Variants in CECR2 observed in about 807,000 individuals in gnomAD.
CECR2 encodes chromatin remodeling regulator CECR2.
Under a neutral mutation model 154.5 loss-of-function variants are expected in CECR2, and 30 were observed. The ratio of observed to expected loss-of-function variants is 0.19; its 90% confidence interval spans 0.15 to 0.26. The LOEUF is 0.26. CECR2 is among the 10% of genes least tolerant of loss of function. The probability of loss-of-function intolerance (pLI) is 1.00; values close to 1 mark genes in which losing one functional copy is unlikely to be tolerated. For synonymous variants in CECR2, 725 were observed against 683.7 expected (o/e 1.06, Z -0.94); for missense variants, 1,743 against 1,829.3 (o/e 0.95, Z 0.86).
intron 16 of CECR2, among the ~76,000 whole-genome samples, chr22:17,547,672 GA>G (rs2056634944): frequency 6.6e-6 from 1 of 152,184 alleles, no homozygotes; most frequent in African/African-American, 2.4e-5. Flanking sequence ...CCCTCCTGTG[GA>G]GCTTTTATTC....
rs1447564743 is a variant in CECR2, at chr22:17,454,344, C to T, written c.127-23244C>T. ...GCGTGGTGGCTCATACCTGTAATCT[C>T]AGCAGGTATGAGGGATTTGGGAGGC... On this transcript the variant is annotated intron_variant, in intron 1 of 18. Coordinates refer to ENST00000262608, the MANE Select transcript of CECR2 (RefSeq NM_001290047.2). Among the ~76,000 whole-genome samples, 3 of 151,554 alleles carry T rather than the reference C, an allele frequency of 2.0e-5. No homozygotes were observed. In the South Asian group the frequency reaches 6.3e-4, roughly 32 times the overall value.
intron 1 of CECR2, among the ~76,000 whole-genome samples, chr22:17,409,130 T>TTTG (rs1555904389): frequency 1.1e-4 from 16 of 152,082 alleles, no homozygotes; most frequent in Admixed American, 3.3e-4. Flanking sequence ...TCTTGTTTTT[T>TTTG]TTTGTTTGTT....
rs139725684 is a variant in CECR2, at chr22:17,507,216, C to A, written c.870+2200C>A. On this transcript the variant is annotated intron_variant, in intron 7 of 18. Transcript: ENST00000262608. The stretch of plus-strand genomic sequence containing the variant: ...AGCAGGTTGATGCTTTAGGGAAAGT[C>A]CTAGAAATTACCTTTCTCTAATAAC... 1.3e-3 allele frequency among the ~76,000 whole-genome samples: 203 copies of A among 152,246 alleles called. 2 individuals are homozygous for A. Among genetic ancestry groups the A allele is most frequent in the African/African-American group, 4.4e-3 (182 of 41,536 alleles).
chr22:17,474,464 C>G (rs1037544977), intron 1 of CECR2, among the ~76,000 whole-genome samples: 2 of 152,138 alleles, frequency 1.3e-5, no homozygotes, highest in African/African-American at 2.4e-5. Flanking sequence ...TAAGCCTATT[C>G]GATTCTCCTT....
chr22:17,545,842 CA>C (rs112121132), intron 16 of CECR2, among the ~76,000 whole-genome samples: 9,455 of 89,514 alleles, frequency 0.11, 408 homozygotes, highest in African/African-American at 0.2. Context: ...GACTCCGTCT[CA>C]AAAAAAAAAA....
In CECR2 at chr22:17,549,042, T is replaced by C; in HGVS notation, c.3755T>C (p.Leu1252Pro). Residue 1252 changes from leucine to proline, a missense_variant, in exon 17 of 19, where the codon CTG (leucine) becomes CCG (proline). By Grantham distance (98) the Leu-to-Pro change is moderately conservative. Around this residue, in one of 4 missense-constraint regions of CECR2, gnomAD observed 1,250 missense variants for 1,192.1 expected, o/e 1.05. Transcript: ENST00000262608. ...GCCAGTCTGCAAGGCTGTGAGACAC[T>C]GAATGCTGCCTTAACTTCTCCAACC... ...AMASLQGCETLNAALTSPTRM... is the reference protein window; with the variant it reads ...AMASLQGCETPNAALTSPTRM... The C allele has an allele frequency of 6.2e-7, 1 of 1,613,968 alleles. No homozygotes were observed. The highest frequency in any genetic ancestry group is 8.5e-7 in the Non-Finnish European group (1 of 1,179,882).
At position 17,552,860 on chromosome 22, in the gene CECR2, C is replaced by T; in HGVS notation, c.*20C>T. ...AGCTAGTCCAAGGAGGAAATGAGCC[C>T]CAAGCAATGGAAAGCTGCACACGAA... On this transcript the variant is annotated 3_prime_UTR_variant, in exon 19 of 19. Transcript: ENST00000262608. The T allele has an allele frequency of 6.5e-7, 1 of 1,539,958 alleles. No homozygotes were observed. Among genetic ancestry groups the T allele is most frequent in the East Asian group, 2.5e-5 (1 of 40,682 alleles).
At position 17,548,811 on chromosome 22, in the gene CECR2, G is replaced by C. The variant is rs777144786; in HGVS notation, c.3524G>C (p.Arg1175Pro). 2 of 1,613,636 alleles carry C rather than the reference G, an allele frequency of 1.2e-6. No homozygotes were observed. Among genetic ancestry groups the C allele is most frequent in the Non-Finnish European group, 1.7e-6 (2 of 1,179,830 alleles). ...CACCCACATTCTGGAGGCTTTCCCCGGTATCGCCCCCCACAAGGAATGAGG... is the reference window on the plus strand; with the variant it reads ...CACCCACATTCTGGAGGCTTTCCCCCGTATCGCCCCCCACAAGGAATGAGG... ...SNHPHSGGFP[R>P]YRPPQGMRYS... Residue 1175 changes from arginine (R) to proline (P), a missense_variant, in exon 17 of 19, where the codon CGG becomes CCG. Transcript: ENST00000262608.
chr22:17,464,742 C>T (rs2054998977), intron 1 of CECR2, among the ~76,000 whole-genome samples: 1 of 152,148 alleles, frequency 6.6e-6, no homozygotes, highest in Non-Finnish European at 1.5e-5. Flanking sequence ...CTCAAGCAGT[C>T]CTCCCACTTC....
Position 17,555,013 on chromosome 22 carries a change from C to CT in CECR2, c.*2175dup, listed in dbSNP as rs1183533408. The stretch of plus-strand genomic sequence containing the variant: ...TTGAATCAGAGGCCTCTCACTTCTC[C>CT]TTAACAGGAGCACTGACACTGTGGG... On this transcript the variant is annotated 3_prime_UTR_variant, in exon 19 of 19. Transcript: ENST00000262608. The CT allele has an allele frequency of 6.6e-6, 1 of 152,272 alleles. No homozygotes were observed. The highest frequency in any genetic ancestry group is 6.5e-5 in the Admixed American group (1 of 15,274). The allele number at this position is 152,272 out of a possible 1,614,324, so 9.4% of individuals were successfully genotyped here.
chr22:17,551,842 G>A (rs2056712572), intron 17 of CECR2, among the ~76,000 whole-genome samples, 189 bp from the exon 18 acceptor site: 1 of 152,136 alleles, frequency 6.6e-6, no homozygotes, highest in Admixed American at 6.6e-5. Flanking sequence ...CAGGAGTGCA[G>A]TAGGTGGTGC....
chr22:17,521,356 C>T (rs1459823278), intron 8 of CECR2, among the ~76,000 whole-genome samples: 1 of 152,096 alleles, frequency 6.6e-6, no homozygotes, highest in African/African-American at 2.4e-5. Flanking sequence ...CTGGCTAACA[C>T]AGTGATACCC....
intron 9 of CECR2, among the ~76,000 whole-genome samples, chr22:17,530,528 T>A (rs2056338048): frequency 6.6e-6 from 1 of 151,452 alleles, no homozygotes; most frequent in African/African-American, 2.4e-5. Flanking sequence ...AAAAAAAAAA[T>A]TAGCCGGGCA....
At chr22:17,471,882 C>G (rs1258202580) in intron 1 of CECR2, among the ~76,000 whole-genome samples, 1 of 152,122 alleles carries the variant, frequency 6.6e-6, no homozygotes, top group Non-Finnish European at 1.5e-5. Flanking sequence ...TCTTCTTAGC[C>G]TTTTTTAACT....
chr22:17,413,537 C>A (rs1439692156), intron 1 of CECR2, among the ~76,000 whole-genome samples: 2 of 152,086 alleles, frequency 1.3e-5, no homozygotes, highest in Non-Finnish European at 2.9e-5. Context: ...TCCTTCACTG[C>A]AGGACTCTAC....
intron 17 of CECR2, among the ~76,000 whole-genome samples, chr22:17,549,787 T>TG (rs1379315482): frequency 3.8e-4 from 53 of 140,306 alleles, no homozygotes; most frequent in African/African-American, 1.3e-3. Flanking sequence ...CTTTTTGGTT[T>TG]TTTTTTTTTT....
At chr22:17,528,660 C>G (rs146422536) in intron 9 of CECR2, among the ~76,000 whole-genome samples, 1,564 of 152,180 alleles carry the variant, frequency 0.01, 28 homozygotes, top group African/African-American at 0.036. Flanking sequence ...CTCAGCCTCC[C>G]AAGTAGCTGT....
At chr22:17,448,023 G>A (rs1336409482) in intron 1 of CECR2, among the ~76,000 whole-genome samples, 1 of 152,168 alleles carries the variant, frequency 6.6e-6, no homozygotes, top group Non-Finnish European at 1.5e-5. Flanking sequence ...CAATTTTTTA[G>A]AGAGTTTTAA....
At chr22:17,512,993 G>A (rs1481174556) in intron 8 of CECR2, among the ~76,000 whole-genome samples, 1 of 152,120 alleles carries the variant, frequency 6.6e-6, no homozygotes, top group Non-Finnish European at 1.5e-5. Context: ...GTGGGAGTTT[G>A]AGATATAATG....
Sources: allele counts gnomAD v4.1 joint callset (sites outside exome capture counted in the v4.1 genomes callset), GRCh38; gene constraint gnomAD v4.1.1; regional missense constraint gnomAD v4.1.1; transcripts MANE v1.5; gene names NCBI Gene and HGNC (gene_info 2026-07-23, HGNC 2026-07-21).